Variants in ROBO1 observed in about 807,000 individuals in gnomAD.
ROBO1 encodes the protein roundabout homolog 1.
A neutral mutation model predicts 195.9 loss-of-function variants in ROBO1; 149 were observed. That is an observed-to-expected ratio of 0.76 (90% CI 0.67 to 0.87). The LOEUF (loss-of-function observed/expected upper bound fraction) is 0.87, where lower values mean the gene tolerates loss of function less well. Ranked by LOEUF, ROBO1 falls within the 40% of genes least tolerant of loss-of-function variation. The probability of loss-of-function intolerance (pLI) is 0.00; values close to 1 mark genes in which losing one functional copy is unlikely to be tolerated. For missense variants in ROBO1, 1,933 were observed against 2,068.3 expected, an observed-to-expected ratio of 0.93 and a Z score of 1.27; for synonymous variants, 816 against 733.2, an observed-to-expected ratio of 1.11 and a Z score of -1.82.
intron 5 of ROBO1, among the ~76,000 whole-genome samples, chr3:78,730,945 G>C (rs2082272522): frequency 6.6e-6 from 1 of 152,042 alleles, no homozygotes; most frequent in Non-Finnish European, 1.5e-5. Flanking sequence ...GCTTTCTGGT[G>C]GGCTACATTA....
chr3:79,078,365 C>T (rs2079212367), intron 3 of ROBO1, among the ~76,000 whole-genome samples: 1 of 151,726 alleles, frequency 6.6e-6, no homozygotes, highest in African/African-American at 2.4e-5. Context: ...TAGTGACTAC[C>T]ACATACTCTG....
intron 2 of ROBO1, among the ~76,000 whole-genome samples, chr3:79,193,778 C>T (rs906145396): frequency 8.6e-5 from 13 of 151,418 alleles, no homozygotes; most frequent in African/African-American, 2.7e-4. Context: ...CACTCCAGGA[C>T]TGAGCCCTAG....
intron 3 of ROBO1, among the ~76,000 whole-genome samples, chr3:78,990,016 A>G (rs183986907): frequency 5.4e-4 from 82 of 152,300 alleles, no homozygotes; most frequent in African/African-American, 1.9e-3. Context: ...AGAATTGTAC[A>G]CCTTAGTGGT....
At chr3:79,008,274 T>A (rs1289290082) in intron 3 of ROBO1, among the ~76,000 whole-genome samples, 1 of 152,168 alleles carries the variant, frequency 6.6e-6, no homozygotes, top group African/African-American at 2.4e-5. Flanking sequence ...GAATCTTGTA[T>A]TAAAAGCTCT....
At chr3:79,574,822 A>G (rs1943397570) in intron 2 of ROBO1, among the ~76,000 whole-genome samples, 2 of 151,722 alleles carry the variant, frequency 1.3e-5, no homozygotes, top group Non-Finnish European at 3.0e-5. Context: ...ATGACATATC[A>G]TGATAGTGAA....
intron 8 of ROBO1, among the ~76,000 whole-genome samples, chr3:78,711,348 C>CTCCTTTCTTCCTTCCTTCCT (rs1575992298): frequency 5.5e-5 from 3 of 54,702 alleles, no homozygotes; most frequent in African/African-American, 1.8e-4. Flanking sequence ...TCCTTCCTTC[C>CTCCTTTCTTCCTTCCTTCCT]TCCTTCCTTC....
Position 78,779,248 on chromosome 3 carries a change from T to G in ROBO1, c.500-32348A>C, listed in dbSNP as rs142863502. On this transcript the variant is annotated intron_variant, in intron 4 of 30. Transcript: ENST00000464233. ...AAGCAATGGCAACAAAAGCCAAAAT[T>G]GACAAATAGGATCTAATTAAATGAA... 9.8e-3 allele frequency among the ~76,000 whole-genome samples: 1,485 copies of G among 152,090 alleles called. 10 individuals carry two copies. Among genetic ancestry groups the G allele is most frequent in the Non-Finnish European group, 0.014 (977 of 67,984 alleles).
intron 3 of ROBO1, among the ~76,000 whole-genome samples, chr3:79,075,937 T>C (rs1322213544): frequency 6.6e-6 from 1 of 151,704 alleles, no homozygotes; most frequent in Non-Finnish European, 1.5e-5. Context: ...GTGTGATTTA[T>C]ATCTAACAAG....
chr3:78,917,743 T>C (rs901681164), intron 4 of ROBO1, among the ~76,000 whole-genome samples: 2 of 152,194 alleles, frequency 1.3e-5, no homozygotes, highest in Non-Finnish European at 2.9e-5. Context: ...TCTGGGGACA[T>C]ATTGCTCACT....
chr3:79,035,470 G>A lies in ROBO1; in HGVS notation c.172+89986C>T, dbSNP rs1418399502. The stretch of plus-strand genomic sequence containing the variant: ...TGAGGTGGCTCATGCCTGCAATCCC[G>A]GCACTTTGGGAGGCCCAGGCAGGAG... On this transcript the variant is annotated intron_variant, in intron 3 of 30. Transcript: ENST00000464233. 3.3e-5 allele frequency among the ~76,000 whole-genome samples: 5 copies of A among 152,156 alleles called. No homozygotes were observed. In the East Asian group the frequency reaches 5.8e-4, roughly 18 times the overall value.
intron 2 of ROBO1, among the ~76,000 whole-genome samples, chr3:79,515,282 A>G (rs1259096860): frequency 6.6e-6 from 1 of 152,188 alleles, no homozygotes; most frequent in Non-Finnish European, 1.5e-5. Flanking sequence ...GGGCATTCTG[A>G]ATGTTCGCCA....
intron 2 of ROBO1, among the ~76,000 whole-genome samples, chr3:79,349,948 A>G (rs2035276619): frequency 6.6e-6 from 1 of 152,214 alleles, no homozygotes. Context: ...AAACAGATAA[A>G]TAGGACTTCA....
intron 8 of ROBO1, among the ~76,000 whole-genome samples, chr3:78,691,030 C>G (rs777185972): frequency 1.4e-4 from 21 of 152,112 alleles, no homozygotes; most frequent in Non-Finnish European, 2.8e-4. Flanking sequence ...TAGGCATATT[C>G]TGAAGCCAAC....
intron 5 of ROBO1, among the ~76,000 whole-genome samples, chr3:78,727,587 T>C (rs886807054): frequency 6.6e-6 from 1 of 152,212 alleles, no homozygotes; most frequent in Non-Finnish European, 1.5e-5. Context: ...ATCGAACCAC[T>C]GTACTCCAGC....
At chr3:79,461,805 T>C (rs973338433) in intron 2 of ROBO1, among the ~76,000 whole-genome samples, 1 of 152,120 alleles carries the variant, frequency 6.6e-6, no homozygotes, top group Non-Finnish European at 1.5e-5. Context: ...TTTGACATAA[T>C]GTTTGAAAAT....
chr3:79,524,690 A>G (rs62257640), intron 2 of ROBO1, among the ~76,000 whole-genome samples: 12,352 of 152,148 alleles, frequency 0.081, 661 homozygotes, highest in East Asian at 0.17. Context: ...GAATTGATCA[A>G]TGTATGTTTG....
chr3:78,658,932 GA>G, intron 17 of ROBO1, among the ~76,000 whole-genome samples: 1 of 152,200 alleles, frequency 6.6e-6, no homozygotes, highest in South Asian at 2.1e-4. Context: ...ATTTTAAATT[GA>G]CCATGAAGTT....
intron 2 of ROBO1, among the ~76,000 whole-genome samples, chr3:79,192,988 A>G (rs1418683973): frequency 6.6e-6 from 1 of 151,686 alleles, no homozygotes; most frequent in Non-Finnish European, 1.5e-5. Context: ...TTCAAAATAC[A>G]CATGGTTACA....
At position 79,351,409 on chromosome 3, in the gene ROBO1, C is replaced by T. The variant is rs77912400; in HGVS notation, c.89-225870G>A. On this transcript the variant is annotated intron_variant, in intron 2 of 30. Transcript: ENST00000464233. ...TGTCAAACACTCAGATTTAACTTGC[C>T]TATATATAGTTGACAATAATTAAGT... Among the ~76,000 whole-genome samples the T allele has an allele frequency of 7.9e-5, 12 of 152,148 alleles. No homozygotes were observed. The East Asian group carries it at 2.3e-3, about 29-fold the overall frequency.
Sources: gnomAD v4.1 joint callset for allele counts (sites outside exome capture counted in the v4.1 genomes callset) on GRCh38, gnomAD v4.1.1 for gene constraint, MANE v1.5 for transcripts, NCBI Gene and HGNC (gene_info 2026-07-23, HGNC 2026-07-21) for gene names.